The following ALX4 variants were observed in gnomAD, a reference collection of about 807,000 sequenced individuals.
ALX4 encodes homeobox protein aristaless-like 4.
In ALX4, 22 loss-of-function variants were observed where a neutral mutation model predicts 40.6. That is an observed-to-expected ratio of 0.54 (90% CI 0.39 to 0.77). The LOEUF (loss-of-function observed/expected upper bound fraction) is 0.77. Ranked by LOEUF, ALX4 falls within the 30% of genes least tolerant of loss-of-function variation. The probability of loss-of-function intolerance (pLI) is 0.00; values close to 1 mark genes in which losing one functional copy is unlikely to be tolerated. For synonymous variants in ALX4, 266 were observed against 240.5 expected, an observed-to-expected ratio of 1.11 and a Z score of -0.98; for missense variants, 556 against 564.8, an observed-to-expected ratio of 0.98 and a Z score of 0.16.
At chr11:44,306,927 T>C (rs1477346194) in intron 1 of ALX4, among the ~76,000 whole-genome samples, 1 of 152,186 alleles carries the variant, frequency 6.6e-6, no homozygotes, top group Non-Finnish European at 1.5e-5. Context: ...GAGACTCAGC[T>C]GCTGAGAGAG....
Position 44,267,482 on chromosome 11 carries a change from G to A in ALX4, c.906+12C>T. 2 of 1,613,826 alleles carry A rather than the reference G, an allele frequency of 1.2e-6. No homozygotes were observed. Among genetic ancestry groups the A allele is most frequent in the South Asian group, 1.1e-5 (1 of 91,074 alleles). On this transcript the variant is annotated intron_variant, in intron 3 of 3. Transcript: ENST00000652299. ...CTGGGGATCGGTGGCGGCAGCTCAGGGCGGGACTTACCTGGGCGTAGTTCT... is the reference window on the plus strand; with the variant it reads ...CTGGGGATCGGTGGCGGCAGCTCAGAGCGGGACTTACCTGGGCGTAGTTCT...
chr11:44,290,144 TC>T (rs1042558672), intron 1 of ALX4, among the ~76,000 whole-genome samples: 3 of 152,216 alleles, frequency 2.0e-5, no homozygotes, highest in Non-Finnish European at 4.4e-5. Flanking sequence ...CCTGGGCGTG[TC>T]CCAAGACATC....
chr11:44,293,165 A>AC, intron 1 of ALX4, among the ~76,000 whole-genome samples: 1 of 18,356 alleles, frequency 5.4e-5, no homozygotes, highest in Non-Finnish European at 1.1e-4. Flanking sequence ...GGAAGGAAGG[A>AC]AGGAAGCAGG....
intron 1 of ALX4, among the ~76,000 whole-genome samples, chr11:44,281,905 A>G (rs1205894722): frequency 6.6e-6 from 1 of 152,212 alleles, no homozygotes; most frequent in East Asian, 1.9e-4. Flanking sequence ...GGGGCTGCCA[A>G]TCTTCAGCAG....
chr11:44,291,017 T>C (rs916372289), intron 1 of ALX4, among the ~76,000 whole-genome samples: 1 of 152,146 alleles, frequency 6.6e-6, no homozygotes, highest in African/African-American at 2.4e-5. Context: ...CCCCACCTGC[T>C]TCCTTCCCCA....
In ALX4 at chr11:44,275,335, G is replaced by C; in HGVS notation, c.777+13C>G. On this transcript the variant is annotated intron_variant, in intron 2 of 3. Transcript: ENST00000652299. ...TGCTTTACCAGCCTCACTCCCAGGT[G>C]GCCCTCACTGACCTGCACGCGGGCC... 9 of 1,614,076 alleles carry C rather than the reference G, an allele frequency of 5.6e-6. No individual in the cohort carries two copies. Among genetic ancestry groups the C allele is most frequent in the Non-Finnish European group, 7.6e-6 (9 of 1,179,956 alleles).
rs1956391793 is a variant in ALX4, at chr11:44,294,524, AG to A, written c.466+15072del. 2.6e-5 allele frequency among the ~76,000 whole-genome samples: 4 copies of A among 152,308 alleles called. No homozygotes were observed. The South Asian group carries it at 8.3e-4, about 32-fold the overall frequency. On this transcript the variant is annotated intron_variant, in intron 1 of 3. Coordinates refer to ENST00000652299, the MANE Select transcript of ALX4 (RefSeq NM_021926.4). ...GCAGCCTATGGGGAGGAGGGGCCTG[AG>A]GGGCCTGGGTGGCCTTTGTCCCTCC...
chr11:44,278,092 T>C (rs1457907381), intron 1 of ALX4, among the ~76,000 whole-genome samples: 2 of 151,482 alleles, frequency 1.3e-5, no homozygotes, highest in Admixed American at 1.3e-4. Context: ...GGAAGCCAGA[T>C]GAGGGGCTGA....
chr11:44,301,191 CAT>C (rs915773223), intron 1 of ALX4, among the ~76,000 whole-genome samples: 73 of 152,346 alleles, frequency 4.8e-4, no homozygotes, highest in African/African-American at 1.1e-3. Context: ...TGAAATAAGA[CAT>C]GTGGGCCAGG....
chr11:44,284,343 G>A (rs1469765141), intron 1 of ALX4, among the ~76,000 whole-genome samples: 1 of 152,174 alleles, frequency 6.6e-6, no homozygotes, highest in African/African-American at 2.4e-5. Context: ...TGGGCTCTGT[G>A]CTGTGGGATT....
At chr11:44,299,354 G>GTTTT (rs772070484) in intron 1 of ALX4, among the ~76,000 whole-genome samples, 162 of 113,042 alleles carry the variant, frequency 1.4e-3, no homozygotes, top group Middle Eastern at 5.4e-3. Context: ...GGGGGCCATG[G>GTTTT]TTTTTTTTTT....
In ALX4 at chr11:44,264,937, C is replaced by T. The variant is rs748187496; in HGVS notation, c.1153G>A (p.Glu385Lys). 19 of 1,613,066 alleles carry T rather than the reference C, an allele frequency of 1.2e-5. 1 individual carries two copies. In the South Asian group the frequency reaches 1.2e-4, roughly 10 times the overall value. Residue 385 changes from glutamate to lysine, a missense_variant, in exon 4 of 4, where the codon GAG (glutamate) becomes AAG (lysine). Coordinates refer to ENST00000652299, the MANE Select transcript of ALX4 (RefSeq NM_021926.4). ...ATGCTCGAGGTCTTGCGGTCCGGCT[C>T]GCCGTTGAGCTCGTAGCCATTGAGG... ...PGLNGYELNG[E>K]PDRKTSSIAA...
intron 2 of ALX4, among the ~76,000 whole-genome samples, chr11:44,269,226 T>C (rs1189947764): frequency 1.3e-5 from 2 of 152,230 alleles, no homozygotes; most frequent in African/African-American, 4.8e-5. Context: ...ATAGGAGCAC[T>C]GGTATTGCCA....
intron 1 of ALX4, among the ~76,000 whole-genome samples, chr11:44,298,001 G>A (rs1308631678): frequency 6.6e-6 from 1 of 152,222 alleles, no homozygotes; most frequent in African/African-American, 2.4e-5. Context: ...CCCATGGCAT[G>A]TAGCACATTC....
At chr11:44,284,833 C>CA (rs756062929) in intron 1 of ALX4, among the ~76,000 whole-genome samples, 4 of 151,918 alleles carry the variant, frequency 2.6e-5, no homozygotes, top group Non-Finnish European at 5.9e-5. Context: ...TTTTCTTTCG[C>CA]ATTACAAATG....
chr11:44,304,641 C>A lies in ALX4; in HGVS notation c.466+4956G>T, dbSNP rs139587360. ...AACGCGCCGGACGTCAACAACCTCT[C>A]ATCCCTGGCAGCAGCAAAGGCCAAT... On this transcript the variant is annotated intron_variant, in intron 1 of 3. Coordinates refer to ENST00000652299, the MANE Select transcript of ALX4 (RefSeq NM_021926.4). 3.8e-3 allele frequency among the ~76,000 whole-genome samples: 581 copies of A among 152,344 alleles called. 7 individuals are homozygous for A. Among genetic ancestry groups the A allele is most frequent in the African/African-American group, 0.013 (540 of 41,576 alleles).
At chr11:44,308,975 C>T (rs954110247) in intron 1 of ALX4, among the ~76,000 whole-genome samples, 4 of 152,250 alleles carry the variant, frequency 2.6e-5, no homozygotes, top group African/African-American at 9.6e-5. Flanking sequence ...TCCCCTGGGA[C>T]CCTAGGGTCT....
At chr11:44,272,276 T>TA (rs1554944759) in intron 2 of ALX4, among the ~76,000 whole-genome samples, 3 of 152,104 alleles carry the variant, frequency 2.0e-5, no homozygotes, top group Non-Finnish European at 4.4e-5. Flanking sequence ...GAGGCTGAGG[T>TA]GGTGGATCAC....
chr11:44,284,055 G>A (rs1172599801), intron 1 of ALX4, among the ~76,000 whole-genome samples: 1 of 152,114 alleles, frequency 6.6e-6, no homozygotes, highest in Non-Finnish European at 1.5e-5. Context: ...TGCTAAGAAA[G>A]GATAGCGTTT....
Sources: allele counts gnomAD v4.1 joint callset (sites outside exome capture counted in the v4.1 genomes callset), GRCh38; gene constraint gnomAD v4.1.1; transcripts MANE v1.5; gene names NCBI Gene and HGNC (gene_info 2026-07-23, HGNC 2026-07-21).